SOD2: variants seen among roughly 807,000 people sequenced by gnomAD.
SOD2 encodes superoxide dismutase [Mn], mitochondrial.
SOD2 carries 11 observed loss-of-function variants against 27.0 expected under a neutral mutation model. The observed-to-expected ratio is 0.41, with a 90% CI of 0.26 to 0.67. SOD2 has a LOEUF of 0.67. SOD2 is among the 30% of genes least tolerant of loss of function. The probability of loss-of-function intolerance (pLI) is 0.34; values close to 1 mark genes in which losing one functional copy is unlikely to be tolerated. For synonymous variants in SOD2, 105 were observed against 103.0 expected (o/e 1.02, Z -0.12); for missense variants, 250 against 274.5 (o/e 0.91, Z 0.63).
At chr6:159,717,143 C>A (rs1777934462) in intron 1 of SOD2, among the ~76,000 whole-genome samples, 1 of 152,150 alleles carries the variant, frequency 6.6e-6, no homozygotes, top group African/African-American at 2.4e-5. Flanking sequence ...TTTCCAGTAG[C>A]TGGACAAGCC....
At chr6:159,754,536 TCCATG>T (rs1339314632) in intron 1 of SOD2, among the ~76,000 whole-genome samples, 1 of 151,992 alleles carries the variant, frequency 6.6e-6, no homozygotes, top group African/African-American at 2.4e-5. Flanking sequence ...GCCCTCGGTA[TCCATG>T]GTGGATTGGT....
chr6:159,688,820 A>C (rs1780313929), intron 2 of SOD2, among the ~76,000 whole-genome samples: 1 of 152,142 alleles, frequency 6.6e-6, no homozygotes, highest in Admixed American at 6.6e-5. Flanking sequence ...CCAATCCACC[A>C]GCATATCCAT....
intron 1 of SOD2, among the ~76,000 whole-genome samples, chr6:159,733,593 G>C (rs1255335179): frequency 6.6e-6 from 1 of 150,914 alleles, no homozygotes; most frequent in East Asian, 1.9e-4. Context: ...CTGCACTGTG[G>C]TCTAGGTGAC....
chr6:159,709,570 T>C (rs962673556), intron 1 of SOD2, among the ~76,000 whole-genome samples: 9 of 152,054 alleles, frequency 5.9e-5, no homozygotes, highest in African/African-American at 1.2e-4. Flanking sequence ...CAATGAGATA[T>C]CATCTCACAT....
At chr6:159,748,106 A>G (rs960952159), upstream of SOD2, 4 of 1,488,492 alleles carry the variant, frequency 2.7e-6, no homozygotes, top group African/African-American at 5.6e-5. This position sits in a 1 kb window ranked among gnomAD's most constrained non-coding sequence, Gnocchi z 5.6. Context: ...GAGTTGGTAA[A>G]TCAAGTGAAT....
chr6:159,761,482 C>A (rs1451254622), exon 1 of SOD2: 1 of 455,240 alleles, frequency 2.2e-6, no homozygotes, highest in South Asian at 1.6e-5. Flanking sequence ...ACGCTCCTAG[C>A]AAGCCCCTCA....
At chr6:159,713,259 G>A (rs1040400407) in intron 1 of SOD2, 12 of 718,184 alleles carry the variant, frequency 1.7e-5, no homozygotes, top group Non-Finnish European at 2.7e-5. Context: ...TTACAGCCAC[G>A]ATAGTCATCA....
At chr6:159,756,555 A>G (rs1423714661) in intron 1 of SOD2, among the ~76,000 whole-genome samples, 1 of 150,816 alleles carries the variant, frequency 6.6e-6, no homozygotes, top group Non-Finnish European at 1.5e-5. Context: ...ATTTTAAAAT[A>G]CAGAAAAGTA....
intron 1 of SOD2, among the ~76,000 whole-genome samples, chr6:159,752,437 T>C (rs892456634): frequency 1.3e-5 from 2 of 152,150 alleles, no homozygotes; most frequent in African/African-American, 4.8e-5. Context: ...AGCAGTAAAA[T>C]TTTATTGGGA....
At position 159,676,577 on chromosome 6, in the gene SOD2, T is replaced by A. The variant is rs1176008814; in HGVS notation, c.*5916A>T. The A allele has an allele frequency of 1.3e-5, 2 of 151,626 alleles. No homozygotes were observed. The highest frequency in any genetic ancestry group is 4.9e-5 in the African/African-American group (2 of 41,216). The allele number at this position is 151,626 out of a possible 1,614,324, so 9.4% of individuals were successfully genotyped here. On this transcript the variant is annotated 3_prime_UTR_variant, in exon 5 of 5. Coordinates refer to ENST00000538183, the MANE Select transcript of SOD2 (RefSeq NM_000636.4). ...ACACTTGGACACAGGAAGGGGAACATCACACACCGGGGCCTGTCGAGGGGT... is the reference window on the plus strand; with the variant it reads ...ACACTTGGACACAGGAAGGGGAACAACACACACCGGGGCCTGTCGAGGGGT...
intron 1 of SOD2, among the ~76,000 whole-genome samples, chr6:159,720,241 G>C (rs915942433): frequency 2.6e-5 from 4 of 152,002 alleles, no homozygotes; most frequent in African/African-American, 9.7e-5. Flanking sequence ...AGCAAAGACA[G>C]AGTTTCACCA....
intron 1 of SOD2, among the ~76,000 whole-genome samples, chr6:159,710,289 A>ATATATAT (rs1562436098): frequency 1.4e-5 from 2 of 145,504 alleles, no homozygotes; most frequent in African/African-American, 5.3e-5. Context: ...ATATATATAT[A>ATATATAT]AAATACAAAA....
At chr6:159,736,785 C>T (rs1456995167) in intron 1 of SOD2, 1 of 153,390 alleles carries the variant, frequency 6.5e-6, no homozygotes, top group African/African-American at 2.4e-5. Flanking sequence ...CAAATCTCCC[C>T]CTGTTGTGCA....
At chr6:159,746,783 T>C (rs1440434075), upstream of SOD2, among the ~76,000 whole-genome samples, 1 of 152,236 alleles carries the variant, frequency 6.6e-6, no homozygotes, top group Non-Finnish European at 1.5e-5. Flanking sequence ...TAAAACTAAC[T>C]TTGAAAACAC....
rs1224838067 is a variant in SOD2 at position 159,676,729 on chromosome 6, G to A, written c.*5764C>T. 6.6e-6 allele frequency: 1 copy of A among 151,992 alleles called. No homozygotes were observed. The highest frequency in any genetic ancestry group is 1.5e-5 in the Non-Finnish European group (1 of 68,000). 9.4% of individuals were successfully genotyped at this position (151,992 alleles called of 1,614,324 possible). On this transcript the variant is annotated 3_prime_UTR_variant, in exon 5 of 5. Transcript: ENST00000538183. Reference sequence around the variant, plus strand: ...CTGCATGTTGTACACATGTACCCTAGAACTTAAAGTATAATTTAAAAATAA... The same window carrying A: ...CTGCATGTTGTACACATGTACCCTAAAACTTAAAGTATAATTTAAAAATAA...
chr6:159,758,600 T>C (rs953112194), intron 1 of SOD2, among the ~76,000 whole-genome samples: 1 of 152,212 alleles, frequency 6.6e-6, no homozygotes, highest in Non-Finnish European at 1.5e-5. Context: ...CACCTATCCC[T>C]GTGGTTATAG....
upstream of SOD2, chr6:159,748,116 T>C: frequency 1.3e-6 from 2 of 1,522,676 alleles, no homozygotes; most frequent in Non-Finnish European, 1.8e-6. This position sits in a 1 kb window ranked among gnomAD's most constrained non-coding sequence, Gnocchi z 5.6. Flanking sequence ...ATCAAGTGAA[T>C]GGAGGGAGTT....
At chr6:159,731,236 A>C (rs1015737297), upstream of SOD2, among the ~76,000 whole-genome samples, 2 of 152,070 alleles carry the variant, frequency 1.3e-5, no homozygotes, top group African/African-American at 4.8e-5. Flanking sequence ...CCCAAGCAGG[A>C]GGATTCCTGA....
intron 1 of SOD2, among the ~76,000 whole-genome samples, chr6:159,711,773 CATA>C (rs1777780658): frequency 1.8e-5 from 2 of 111,804 alleles, no homozygotes; most frequent in Non-Finnish European, 3.9e-5. Context: ...TAACCACCTC[CATA>C]ACCACCACTC....
Sources: gnomAD v4.1 joint callset for allele counts (sites outside exome capture counted in the v4.1 genomes callset) on GRCh38, gnomAD v4.1.1 for gene constraint, Gnocchi (gnomAD v3.1) non-coding constraint, MANE v1.5 for transcripts, NCBI Gene and HGNC (gene_info 2026-07-23, HGNC 2026-07-21) for gene names.